Variants in RASGRF2 observed in about 807,000 individuals in gnomAD.
The protein encoded by RASGRF2 is Ras protein specific guanine nucleotide releasing factor 2, also known as ras-specific guanine nucleotide-releasing factor 2.
Under a neutral mutation model 151.0 loss-of-function variants are expected in RASGRF2, and 76 were observed. That is an observed-to-expected ratio of 0.50 (90% CI 0.42 to 0.61). RASGRF2 has a LOEUF of 0.61. RASGRF2 is among the 20% of genes least tolerant of loss of function. The pLI is 0.00. For synonymous variants in RASGRF2, 504 were observed against 566.5 expected (o/e 0.89, Z 1.57); for missense variants, 1,148 against 1,564.6 (o/e 0.73, Z 4.49).
chr5:81,032,341 A>C (rs1265612755), intron 1 of RASGRF2, among the ~76,000 whole-genome samples: 2 of 152,076 alleles, frequency 1.3e-5, no homozygotes, highest in African/African-American at 4.8e-5. Flanking sequence ...GAGACACAAC[A>C]AAAAAAGAGA....
chr5:80,995,064 G>A (rs1358566790), intron 1 of RASGRF2, among the ~76,000 whole-genome samples: 1 of 152,082 alleles, frequency 6.6e-6, no homozygotes, highest in Non-Finnish European at 1.5e-5. Flanking sequence ...AGACCATCCT[G>A]CCTAACACGG....
chr5:81,080,318 C>T, intron 6 of RASGRF2, 118 bp downstream of exon 6: 1 of 1,500,758 alleles, frequency 6.7e-7, no homozygotes, highest in South Asian at 1.4e-5. Context: ...CTGTGAGCTT[C>T]TGTATCCCGG....
intron 26 of RASGRF2, among the ~76,000 whole-genome samples, chr5:81,222,335 C>A (rs1755873372): frequency 6.6e-6 from 1 of 152,224 alleles, no homozygotes; most frequent in Admixed American, 6.5e-5. Context: ...CCCTCTCCAA[C>A]AGTGAGAGAC....
Position 81,057,240 on chromosome 5 carries a change from A to G in RASGRF2, c.396-10792A>G, listed in dbSNP as rs112232410. ...CTTCCTAGCATTGATGGTCTTTACA[A>G]TTTGGCATGTTTTTGCGGTGGCTGG... On this transcript the variant is annotated intron_variant, in intron 2 of 26. Coordinates refer to ENST00000265080, the MANE Select transcript of RASGRF2 (RefSeq NM_006909.3). 3.2e-3 allele frequency among the ~76,000 whole-genome samples: 492 copies of G among 152,218 alleles called. 1 individual carries two copies. Among genetic ancestry groups the G allele is most frequent in the African/African-American group, 0.011 (460 of 41,524 alleles).
At position 81,121,771 on chromosome 5, in the gene RASGRF2, T is replaced by C. The variant is rs181647089; in HGVS notation, c.2471-1871T>C. Among the ~76,000 whole-genome samples, 242 of 152,056 alleles carry C rather than the reference T, an allele frequency of 1.6e-3. 1 individual carries two copies. Among genetic ancestry groups the C allele is most frequent in the African/African-American group, 5.4e-3 (223 of 41,472 alleles). On this transcript the variant is annotated intron_variant, in intron 15 of 26. Transcript: ENST00000265080. Reference sequence around the variant, plus strand: ...TATCCAGATTCCACCCAGTGATGGGTTCTCAACAAAAACCAAACCAACAGC... The same window carrying C: ...TATCCAGATTCCACCCAGTGATGGGCTCTCAACAAAAACCAAACCAACAGC...
chr5:81,175,636 A>C (rs1207730554), intron 17 of RASGRF2, among the ~76,000 whole-genome samples: 1 of 151,778 alleles, frequency 6.6e-6, no homozygotes, highest in Non-Finnish European at 1.5e-5. Flanking sequence ...CCTGCCTGTA[A>C]TCCCAGCTAC....
Position 81,225,865 on chromosome 5 carries a change from C to CA in RASGRF2, c.*96dup. On this transcript the variant is annotated 3_prime_UTR_variant, in exon 27 of 27. Coordinates refer to ENST00000265080, the MANE Select transcript of RASGRF2 (RefSeq NM_006909.3). ...TGCCTATCACGGTACAGCACGAAGCCAGGCTCCTTTCTCCACCAAAGAAGA... is the reference window on the plus strand; with the variant it reads ...TGCCTATCACGGTACAGCACGAAGCCAAGGCTCCTTTCTCCACCAAAGAAGA... The CA allele has an allele frequency of 2.3e-6, 3 of 1,306,690 alleles. No individual in the cohort carries two copies. The highest frequency in any genetic ancestry group is 2.0e-6 in the Non-Finnish European group (2 of 978,792). The allele number at this position is 1,306,690 out of a possible 1,614,324, so 80.9% of individuals were successfully genotyped here. A position where few individuals can be genotyped will look rare whatever the true frequency, so the allele number is the denominator to read the frequency against.
At chr5:81,081,843 G>A (rs556386540) in intron 7 of RASGRF2, among the ~76,000 whole-genome samples, 1 of 152,292 alleles carries the variant, frequency 6.6e-6, no homozygotes, top group Non-Finnish European at 1.5e-5. Flanking sequence ...AACCACTTAA[G>A]TATAGTGAAA....
intron 12 of RASGRF2, among the ~76,000 whole-genome samples, chr5:81,098,064 A>T (rs571913573): frequency 6.6e-6 from 1 of 152,210 alleles, no homozygotes; most frequent in Non-Finnish European, 1.5e-5. Flanking sequence ...CCAGCATGGC[A>T]GGAGTGGAGT....
In RASGRF2 at chr5:81,228,023, G is replaced by A. The variant is rs1409081184; in HGVS notation, c.*2253G>A. 1 of 152,126 alleles carries A rather than the reference G, an allele frequency of 6.6e-6. No homozygotes were observed. The highest frequency in any genetic ancestry group is 1.5e-5 in the Non-Finnish European group (1 of 68,026). 9.4% of individuals were successfully genotyped at this position (152,126 alleles called of 1,614,324 possible). A position where few individuals can be genotyped will look rare whatever the true frequency, so the allele number is the denominator to read the frequency against. ...AAGCTTTTGCGCCTATTTCCTGCAGGATGTTGGAACTGCCCCGCACTGGTC... is the reference window on the plus strand; with the variant it reads ...AAGCTTTTGCGCCTATTTCCTGCAGAATGTTGGAACTGCCCCGCACTGGTC... On this transcript the variant is annotated 3_prime_UTR_variant, in exon 27 of 27. Coordinates refer to ENST00000265080, the MANE Select transcript of RASGRF2 (RefSeq NM_006909.3).
intron 1 of RASGRF2, among the ~76,000 whole-genome samples, chr5:81,007,067 G>C (rs895957345): frequency 1.3e-5 from 2 of 152,102 alleles, no homozygotes; most frequent in African/African-American, 4.8e-5. Context: ...CTCATTGCGT[G>C]GTGGAGTAAT....
chr5:81,001,582 A>G (rs1749082788), intron 1 of RASGRF2, among the ~76,000 whole-genome samples: 1 of 152,134 alleles, frequency 6.6e-6, no homozygotes, highest in Non-Finnish European at 1.5e-5. Flanking sequence ...CATTTTGAGC[A>G]TGGACCCTAT....
intron 13 of RASGRF2, among the ~76,000 whole-genome samples, chr5:81,112,396 A>G (rs1753020929): frequency 1.3e-5 from 2 of 152,204 alleles, no homozygotes; most frequent in Admixed American, 6.5e-5. Context: ...ATTTCATATC[A>G]GGGACTTGAG....
chr5:81,156,873 T>A (rs1395209183), intron 17 of RASGRF2, among the ~76,000 whole-genome samples: 3 of 152,144 alleles, frequency 2.0e-5, no homozygotes, highest in Non-Finnish European at 4.4e-5. Flanking sequence ...AAAGAGGAAG[T>A]AAAACTGTCA....
At chr5:81,093,197 C>T (rs902710551) in intron 10 of RASGRF2, among the ~76,000 whole-genome samples, 10 of 152,130 alleles carry the variant, frequency 6.6e-5, no homozygotes, top group African/African-American at 2.2e-4. Context: ...CAATTAAAAT[C>T]GTAACCTGGA....
intron 15 of RASGRF2, among the ~76,000 whole-genome samples, chr5:81,116,548 T>C (rs1448900280): frequency 6.6e-6 from 1 of 151,800 alleles, no homozygotes; most frequent in Non-Finnish European, 1.5e-5. Flanking sequence ...TCCTAGAGAA[T>C]CTTTCTTCTC....
chr5:81,023,779 T>C (rs1017926820), intron 1 of RASGRF2, among the ~76,000 whole-genome samples: 3 of 152,208 alleles, frequency 2.0e-5, no homozygotes, highest in Admixed American at 6.5e-5. Flanking sequence ...TTTGGATACA[T>C]TGGGCTAGTT....
chr5:81,075,606 T>A (rs1359560216), intron 5 of RASGRF2, among the ~76,000 whole-genome samples: 1 of 152,190 alleles, frequency 6.6e-6, no homozygotes, highest in Non-Finnish European at 1.5e-5. Context: ...AAGGTAAGAT[T>A]GCAACGTTTT....
At chr5:81,062,510 T>G (rs559534760) in intron 2 of RASGRF2, among the ~76,000 whole-genome samples, 1 of 152,382 alleles carries the variant, frequency 6.6e-6, no homozygotes, top group South Asian at 2.1e-4. Context: ...TTTCTTTCAT[T>G]ATTATTTATT....
Sources: allele counts gnomAD v4.1 joint callset (sites outside exome capture counted in the v4.1 genomes callset), GRCh38; gene constraint gnomAD v4.1.1; transcripts MANE v1.5; gene names NCBI Gene and HGNC (gene_info 2026-07-23, HGNC 2026-07-21).